RELN: variants seen among roughly 807,000 people sequenced by gnomAD.
The protein encoded by RELN is reelin.
In RELN, 108 loss-of-function variants were observed where a neutral mutation model predicts 427.6. The ratio of observed to expected loss-of-function variants is 0.25; its 90% CI spans 0.22 to 0.30. The LOEUF (loss-of-function observed/expected upper bound fraction) is 0.30. Among genes scored for constraint, RELN ranks in the 10% least tolerant of loss-of-function variants. The probability of loss-of-function intolerance (pLI) is 1.00; values close to 1 mark genes in which losing one functional copy is unlikely to be tolerated. For synonymous variants in RELN, 1,524 were observed against 1,513.4 expected, an observed-to-expected ratio of 1.01 and a Z score of -0.16; for missense variants, 3,715 against 4,302.8, an observed-to-expected ratio of 0.86 and a Z score of 3.82.
intron 8 of RELN, among the ~76,000 whole-genome samples, chr7:103,708,407 A>G (rs1225357099): frequency 6.6e-6 from 1 of 151,502 alleles, no homozygotes; most frequent in East Asian, 1.9e-4. Flanking sequence ...AACATCATTT[A>G]ATACTGACAT....
intron 1 of RELN, among the ~76,000 whole-genome samples, chr7:103,920,592 T>TG (rs1293977580): frequency 0.032 from 1,136 of 35,278 alleles, 23 homozygotes; most frequent in African/African-American, 0.098. Context: ...TTTTTTTTTT[T>TG]TGAGAGAGTC....
chr7:103,522,015 C>T lies in RELN; in HGVS notation c.7668+7G>A. On this transcript the variant is annotated splice_region_variant and intron_variant, in intron 48 of 64. Transcript: ENST00000428762. ...CAGAAATGAGTAACCAGCAGCCAAA[C>T]ACTCACCCCACTGAAATGGAGAGCC... 1 of 1,613,994 alleles carries T rather than the reference C, an allele frequency of 6.2e-7. No individual in the cohort carries two copies. Among genetic ancestry groups the T allele is most frequent in the East Asian group, 2.2e-5 (1 of 44,882 alleles).
intron 17 of RELN, among the ~76,000 whole-genome samples, chr7:103,639,247 C>T (rs1379380169): frequency 6.6e-6 from 1 of 152,094 alleles, no homozygotes; most frequent in African/African-American, 2.4e-5. Context: ...CTTTTCAATT[C>T]TTCACATACT....
At chr7:103,851,274 G>A in intron 2 of RELN, among the ~76,000 whole-genome samples, 1 of 152,176 alleles carries the variant, frequency 6.6e-6, no homozygotes, top group Non-Finnish European at 1.5e-5. Flanking sequence ...TGATATGCGG[G>A]AGCTAAGCTA....
intron 51 of RELN, among the ~76,000 whole-genome samples, chr7:103,506,103 A>G (rs891154151): frequency 2.0e-5 from 3 of 152,234 alleles, no homozygotes; most frequent in African/African-American, 2.4e-5. Flanking sequence ...GACCAAATCT[A>G]TGTTTCATCA....
intron 8 of RELN, among the ~76,000 whole-genome samples, chr7:103,707,094 C>G (rs566000149): frequency 6.6e-6 from 1 of 152,234 alleles, no homozygotes; most frequent in East Asian, 1.9e-4. Context: ...TCACCCCAGC[C>G]TTCCAAGTAG....
intron 3 of RELN, among the ~76,000 whole-genome samples, chr7:103,826,319 A>AGTGTGTGTGTGTGTGTGTGT (rs768090469): frequency 0.021 from 2,844 of 137,462 alleles, 61 homozygotes; most frequent in Non-Finnish European, 0.03. Context: ...AGACTAAGAC[A>AGTGTGTGTGTGTGTGTGTGT]ATGTGTGTGT....
At chr7:103,574,041 G>A (rs753264690) in intron 30 of RELN, 51 bp downstream of exon 30, 54 of 1,343,014 alleles carry the variant, frequency 4.0e-5, no homozygotes, top group South Asian at 2.1e-4. Flanking sequence ...AGACTACATC[G>A]TGTGGTAAAT....
At position 103,875,106 on chromosome 7, in the gene RELN, GA is replaced by G. The variant is rs1265574465; in HGVS notation, c.338-41435del. On this transcript the variant is annotated intron_variant, in intron 2 of 64. Coordinates refer to ENST00000428762, the MANE Select transcript of RELN (RefSeq NM_005045.4). ...AAACCTGAGAAAAACAAGCAATGGG[GA>G]AAGGATTCCCTATTTAATAAATTGT... Among the ~76,000 whole-genome samples, 2 of 145,700 alleles carry G rather than the reference GA, an allele frequency of 1.4e-5. 1 individual carries two copies. Among genetic ancestry groups the G allele is most frequent in the Non-Finnish European group, 3.0e-5 (2 of 65,800 alleles).
chr7:103,507,414 A>G (rs1028531484), intron 51 of RELN, among the ~76,000 whole-genome samples: 1 of 152,200 alleles, frequency 6.6e-6, no homozygotes, highest in African/African-American at 2.4e-5. Context: ...AAACTGAACA[A>G]TCTGCTCCTG....
chr7:103,885,253 G>A (rs1584331855), intron 2 of RELN, among the ~76,000 whole-genome samples: 1 of 151,890 alleles, frequency 6.6e-6, no homozygotes, highest in Non-Finnish European at 1.5e-5. Flanking sequence ...GCAGGAGAAT[G>A]GCGTGAACCC....
intron 27 of RELN, among the ~76,000 whole-genome samples, chr7:103,590,573 T>A (rs200007037): frequency 1.2e-4 from 3 of 24,882 alleles, no homozygotes; most frequent in African/African-American, 5.0e-4. Flanking sequence ...AATAAATAAA[T>A]AAATAAATAA....
chr7:103,496,806 G>C (rs200227506), intron 55 of RELN, 38 bp from the exon 56 acceptor site: 43 of 1,609,130 alleles, frequency 2.7e-5, no homozygotes, highest in Non-Finnish European at 3.1e-5. Flanking sequence ...AATATATCTA[G>C]AATCTCCTGC....
At chr7:103,567,393 G>A (rs916047334) in intron 31 of RELN, among the ~76,000 whole-genome samples, 1 of 152,168 alleles carries the variant, frequency 6.6e-6, no homozygotes, top group South Asian at 2.1e-4. Flanking sequence ...CCCCTCCACT[G>A]TCACTAGGGT....
Position 103,574,119 on chromosome 7 carries a change from G to A in RELN, c.4484C>T (p.Thr1495Met), listed in dbSNP as rs369404310. The A allele has an allele frequency of 1.2e-5, 19 of 1,614,056 alleles. No individual in the cohort carries two copies. Among genetic ancestry groups the A allele is most frequent in the Admixed American group, 5.0e-5 (3 of 60,016 alleles). The change falls in exon 30 of 65, where the codon ACG (threonine) becomes ATG (methionine). Residue 1495 changes from threonine (T) to methionine (M), a missense_variant. Physicochemically the swap from Thr to Met is moderately conservative, Grantham distance 81. This residue lies in a region of RELN where 2,208 missense variants were observed against 2,361.7 expected (regional missense o/e 0.93). Coordinates refer to ENST00000428762, the MANE Select transcript of RELN (RefSeq NM_005045.4). ...FNGPGKREAR[T>M]VPLDTRNIRL... ...GATATTCCTGGTGTCCAGAGGGACCGTCCGGGCTTCCCTTTTCCCAGGGCC... is the reference window on the plus strand; with the variant it reads ...GATATTCCTGGTGTCCAGAGGGACCATCCGGGCTTCCCTTTTCCCAGGGCC...
At chr7:103,799,067 G>A (rs1290523471) in intron 3 of RELN, among the ~76,000 whole-genome samples, 1 of 152,142 alleles carries the variant, frequency 6.6e-6, no homozygotes, top group Non-Finnish European at 1.5e-5. Context: ...GGGTTGCCAT[G>A]AGAGCCACAC....
chr7:103,983,271 GTA>G (rs900623518), intron 1 of RELN, among the ~76,000 whole-genome samples: 2 of 152,142 alleles, frequency 1.3e-5, no homozygotes, highest in Non-Finnish European at 2.9e-5. Flanking sequence ...AAAAAAATAG[GTA>G]TAGTTTTAGA....
intron 1 of RELN, among the ~76,000 whole-genome samples, chr7:103,981,797 G>C (rs1796995098): frequency 6.6e-6 from 1 of 152,202 alleles, no homozygotes; most frequent in South Asian, 2.1e-4. Flanking sequence ...AGCTAGAATA[G>C]GCAAGGTTAG....
At chr7:103,539,820 T>C (rs1830139237) in intron 44 of RELN, among the ~76,000 whole-genome samples, 1 of 152,236 alleles carries the variant, frequency 6.6e-6, no homozygotes, top group Admixed American at 6.5e-5. Flanking sequence ...TTTATTTTTT[T>C]CTTCAAAGGC....
Sources: allele counts gnomAD v4.1 joint callset (sites outside exome capture counted in the v4.1 genomes callset), GRCh38; gene constraint gnomAD v4.1.1; regional missense constraint gnomAD v4.1.1; transcripts MANE v1.5; gene names NCBI Gene and HGNC (gene_info 2026-07-23, HGNC 2026-07-21).